The following DOCK2 variants were observed in gnomAD, a reference collection of about 807,000 sequenced individuals.
The protein encoded by DOCK2 is dedicator of cytokinesis protein 2.
In DOCK2, 87 loss-of-function variants were observed where a neutral mutation model predicts 248.9. That is an observed-to-expected ratio of 0.35 (90% CI 0.29 to 0.42). DOCK2 has a LOEUF of 0.42. Ranked by LOEUF, DOCK2 falls within the 10% of genes least tolerant of loss-of-function variation. The probability of loss-of-function intolerance (pLI) is 1.00; values close to 1 mark genes in which losing one functional copy is unlikely to be tolerated. For synonymous variants in DOCK2, 805 were observed against 821.6 expected, an observed-to-expected ratio of 0.98 and a Z score of 0.35; for missense variants, 1,747 against 2,300.2, an observed-to-expected ratio of 0.76 and a Z score of 4.92.
At chr5:169,899,279 G>A (rs898608200) in intron 27 of DOCK2, among the ~76,000 whole-genome samples, 1 of 152,184 alleles carries the variant, frequency 6.6e-6, no homozygotes, top group Non-Finnish European at 1.5e-5. Flanking sequence ...ATTAGGAAGA[G>A]CAAGAGTCTT....
At chr5:169,681,310 G>T (rs2113352691) in intron 6 of DOCK2, among the ~76,000 whole-genome samples, 1 of 151,674 alleles carries the variant, frequency 6.6e-6, no homozygotes, top group South Asian at 2.1e-4. Flanking sequence ...TTTTAGTAGA[G>T]ACAGGGTTTC....
chr5:169,756,204 C>T lies in DOCK2; in HGVS notation c.2377-3501C>T, dbSNP rs1050864410. On this transcript the variant is annotated intron_variant, in intron 23 of 51. Transcript: ENST00000520908. ...TGGGCTTCTTCTGAGCAGCCCCTCCCGCAGCCTGTGCAGCTGCCTGCTAAT... is the reference window on the plus strand; with the variant it reads ...TGGGCTTCTTCTGAGCAGCCCCTCCTGCAGCCTGTGCAGCTGCCTGCTAAT... Among the ~76,000 whole-genome samples, 11 of 152,320 alleles carry T rather than the reference C, an allele frequency of 7.2e-5. 1 individual carries two copies. Among genetic ancestry groups the T allele is most frequent in the African/African-American group, 2.6e-4 (11 of 41,570 alleles).
intron 46 of DOCK2, among the ~76,000 whole-genome samples, chr5:170,075,079 C>T (rs1229364763): frequency 2.0e-5 from 3 of 152,212 alleles, no homozygotes; most frequent in African/African-American, 7.2e-5. Context: ...CTTGTCATTT[C>T]TGGGAGACCT....
intron 27 of DOCK2, among the ~76,000 whole-genome samples, chr5:169,866,556 C>T (rs987701794): frequency 6.6e-6 from 1 of 152,158 alleles, no homozygotes; most frequent in Admixed American, 6.5e-5. Flanking sequence ...TTGTGGCAGG[C>T]CCTGTTCTGG....
chr5:169,821,892 C>G (rs62384824), intron 26 of DOCK2, among the ~76,000 whole-genome samples: 25,522 of 151,892 alleles, frequency 0.17, 2,568 homozygotes, highest in Admixed American at 0.23. Flanking sequence ...TGCAGAGACA[C>G]GCATAGGCTT....
intron 44 of DOCK2, among the ~76,000 whole-genome samples, chr5:170,067,079 C>T (rs1757516541): frequency 6.6e-6 from 1 of 152,170 alleles, no homozygotes; most frequent in Non-Finnish European, 1.5e-5. Context: ...CAGTGAACCC[C>T]TCTAACAACC....
rs563421773 is a variant in DOCK2 at position 169,730,081 on chromosome 5, C to T, written c.2267+11290C>T. ...AAGTGATTCTCCTGCCTCAGCCTCC[C>T]GAGTAGCTGGGACTACAGGCATGCA... is the stretch of plus-strand genomic sequence containing the variant. On this transcript the variant is annotated intron_variant, in intron 22 of 51. Coordinates refer to ENST00000520908, the MANE Select transcript of DOCK2 (RefSeq NM_004946.3). 6.6e-5 allele frequency among the ~76,000 whole-genome samples: 10 copies of T among 152,234 alleles called. No individual in the cohort carries two copies. The East Asian group carries it at 7.7e-4, about 12-fold the overall frequency.
chr5:169,856,028 G>T (rs141628065), intron 27 of DOCK2, among the ~76,000 whole-genome samples: 1 of 152,094 alleles, frequency 6.6e-6, no homozygotes, highest in Admixed American at 6.5e-5. Context: ...AGGGGGAAGA[G>T]CCTCTTATAA....
chr5:170,055,473 G>C, intron 42 of DOCK2, 87 bp downstream of exon 42: 2 of 1,242,860 alleles, frequency 1.6e-6, no homozygotes, highest in Non-Finnish European at 1.2e-6. Context: ...ACAGACCCCA[G>C]TGTCTTTCTA....
At chr5:169,910,128 T>C (rs1774512948) in intron 27 of DOCK2, among the ~76,000 whole-genome samples, 2 of 152,214 alleles carry the variant, frequency 1.3e-5, no homozygotes, top group South Asian at 4.1e-4. Flanking sequence ...CTGAGCCATA[T>C]GTTCCTGGCC....
chr5:169,841,514 C>A, intron 27 of DOCK2: 1 of 939,550 alleles, frequency 1.1e-6, no homozygotes, highest in Non-Finnish European at 1.3e-6. Context: ...AACCATGTCA[C>A]TCCTCTGCTG....
intron 1 of DOCK2, among the ~76,000 whole-genome samples, chr5:169,650,091 C>T (rs1289533700): frequency 6.6e-6 from 1 of 152,182 alleles, no homozygotes; most frequent in Non-Finnish European, 1.5e-5. Context: ...AGCCGCCGCA[C>T]CTGGCAGTGC....
intron 32 of DOCK2, among the ~76,000 whole-genome samples, chr5:170,009,503 T>C (rs544225934): frequency 1.3e-5 from 2 of 152,294 alleles, no homozygotes; most frequent in East Asian, 3.9e-4. Context: ...TCCTCCTTTA[T>C]AAATATGTGC....
At chr5:169,751,855 A>G (rs262861) in intron 23 of DOCK2, among the ~76,000 whole-genome samples, 134,943 of 152,212 alleles carry the variant, frequency 0.89, 59,889 homozygotes, top group East Asian at 0.98. Context: ...TTTAAATCCC[A>G]CCAGAGATCT....
chr5:169,874,801 G>C (rs1561785389), intron 27 of DOCK2, among the ~76,000 whole-genome samples: 1 of 152,150 alleles, frequency 6.6e-6, no homozygotes, highest in Admixed American at 6.5e-5. Context: ...GGAAGGAACG[G>C]TTACAGCTGA....
At chr5:169,745,606 A>C (rs1012812934) in intron 22 of DOCK2, among the ~76,000 whole-genome samples, 1 of 152,144 alleles carries the variant, frequency 6.6e-6, no homozygotes, top group Non-Finnish European at 1.5e-5. Flanking sequence ...TCTGACACTC[A>C]CTGGCCTGGT....
At chr5:169,819,812 C>T (rs149524104) in intron 26 of DOCK2, among the ~76,000 whole-genome samples, 285 of 152,306 alleles carry the variant, frequency 1.9e-3, no homozygotes, top group African/African-American at 6.3e-3. Context: ...TGCGCTGAGG[C>T]GGGGTGAGGC....
At chr5:169,871,544 A>G (rs1366923340) in intron 27 of DOCK2, among the ~76,000 whole-genome samples, 1 of 152,252 alleles carries the variant, frequency 6.6e-6, no homozygotes, top group African/African-American at 2.4e-5. Flanking sequence ...AGGCAAAGAG[A>G]GGTTAAATAT....
chr5:170,034,331 C>G, intron 34 of DOCK2, 68 bp from the exon 35 acceptor site: 1 of 1,580,488 alleles, frequency 6.3e-7, no homozygotes, highest in Non-Finnish European at 8.6e-7. Flanking sequence ...TCCATCCCAC[C>G]GCCCACTGGC....
Sources: gnomAD v4.1 joint callset for allele counts (sites outside exome capture counted in the v4.1 genomes callset) on GRCh38, gnomAD v4.1.1 for gene constraint, MANE v1.5 for transcripts, NCBI Gene and HGNC (gene_info 2026-07-23, HGNC 2026-07-21) for gene names.